The following PTBP2 variants were observed in gnomAD, a reference collection of about 807,000 sequenced individuals.
PTBP2 encodes the protein polypyrimidine tract binding protein 2, also known as polypyrimidine tract-binding protein 2.
PTBP2 carries 13 observed loss-of-function variants against 61.4 expected under a neutral mutation model. The ratio of observed to expected loss-of-function variants is 0.21; its 90% CI spans 0.14 to 0.34. The LOEUF is 0.34. PTBP2 is among the 10% of genes least tolerant of loss of function. The pLI, the probability that PTBP2 is intolerant of heterozygous loss-of-function variation, is 1.00. For missense variants in PTBP2, 405 were observed against 642.6 expected, an observed-to-expected ratio of 0.63 and a Z score of 4.00; for synonymous variants, 215 against 218.5, an observed-to-expected ratio of 0.98 and a Z score of 0.14.
At chr1:96,759,409 CA>C (rs1456883513) in intron 3 of PTBP2, among the ~76,000 whole-genome samples, 4 of 152,186 alleles carry the variant, frequency 2.6e-5, no homozygotes, top group Non-Finnish European at 5.9e-5. Flanking sequence ...GAATAGCGTT[CA>C]GGGAATAACT....
intron 11 of PTBP2, among the ~76,000 whole-genome samples, chr1:96,808,689 A>C (rs369991550): frequency 2.6e-5 from 4 of 152,154 alleles, no homozygotes; most frequent in African/African-American, 7.2e-5. Context: ...TTTTTGGACT[A>C]TCTGTAGTGG....
chr1:96,819,975 A>G (rs1662625292), downstream of PTBP2: 2 of 151,972 alleles, frequency 1.3e-5, no homozygotes, highest in East Asian at 1.9e-4. Flanking sequence ...AAACATTGCT[A>G]TAGTTGTCTT....
intron 2 of PTBP2, among the ~76,000 whole-genome samples, chr1:96,729,310 C>T (rs1268135468): frequency 6.6e-6 from 1 of 152,182 alleles, no homozygotes; most frequent in African/African-American, 2.4e-5. Flanking sequence ...GCGTGAGCCA[C>T]CACCCCCAGC....
intron 3 of PTBP2, among the ~76,000 whole-genome samples, chr1:96,767,471 A>G (rs1279730167): frequency 1.3e-5 from 2 of 152,106 alleles, no homozygotes; most frequent in East Asian, 1.9e-4. Context: ...TACCATAACT[A>G]TAACACATGG....
At chr1:96,755,068 A>T (rs1373913030) in intron 3 of PTBP2, among the ~76,000 whole-genome samples, 1 of 152,230 alleles carries the variant, frequency 6.6e-6, no homozygotes, top group Non-Finnish European at 1.5e-5. Context: ...CATAAACTGG[A>T]AGAACATCAT....
At chr1:96,816,734 G>A (rs1052944796), downstream of PTBP2, 3 of 152,038 alleles carry the variant, frequency 2.0e-5, no homozygotes, top group African/African-American at 7.2e-5. Context: ...TAATTACTAG[G>A]GAAAGGACAA....
At chr1:96,801,583 A>T (rs1033605083) in intron 8 of PTBP2, among the ~76,000 whole-genome samples, 3 of 152,076 alleles carry the variant, frequency 2.0e-5, no homozygotes, top group African/African-American at 7.2e-5. Context: ...GGCCAGGCGC[A>T]GTGGCTCAGA....
downstream of PTBP2, chr1:96,816,453 T>C (rs943978774): frequency 3.9e-5 from 6 of 152,152 alleles, no homozygotes; most frequent in African/African-American, 1.2e-4. Context: ...TTAGAAATAA[T>C]CAGAAAAATT....
rs776156545 is a variant in PTBP2, at chr1:96,721,818, G to A, written c.-47G>A. On this transcript the variant is annotated 5_prime_UTR_variant, in exon 1 of 14. Transcript: ENST00000674951. ...TTTCTCGCCGCTTGTGTGGCTCGCTGGCTGCGTGGCTCGGTTCTTGTGAGC... is the reference window on the plus strand; with the variant it reads ...TTTCTCGCCGCTTGTGTGGCTCGCTAGCTGCGTGGCTCGGTTCTTGTGAGC... 1.3e-6 allele frequency: 2 copies of A among 1,554,182 alleles called. No homozygotes were observed. The highest frequency in any genetic ancestry group is 1.4e-5 in the African/African-American group (1 of 73,388).
chr1:96,767,946 C>G (rs1397321303), intron 3 of PTBP2, among the ~76,000 whole-genome samples: 1 of 152,062 alleles, frequency 6.6e-6, no homozygotes, highest in African/African-American at 2.4e-5. Flanking sequence ...TGTACAAAGA[C>G]AACCTAAGGG....
At chr1:96,757,286 A>G (rs1655265874) in intron 3 of PTBP2, among the ~76,000 whole-genome samples, 1 of 152,206 alleles carries the variant, frequency 6.6e-6, no homozygotes, top group African/African-American at 2.4e-5. Context: ...CCGTGCAAAC[A>G]GTAAGCACAA....
At chr1:96,766,663 TA>T (rs1656755274) in intron 3 of PTBP2, among the ~76,000 whole-genome samples, 1 of 152,196 alleles carries the variant, frequency 6.6e-6, no homozygotes, top group South Asian at 2.1e-4. Context: ...ATCATTTATT[TA>T]AAATGAAGAC....
At chr1:96,785,386 G>GT (rs1285233154) in intron 8 of PTBP2, 132 bp downstream of exon 8, 6 of 632,218 alleles carry the variant, frequency 9.5e-6, no homozygotes, top group Non-Finnish European at 1.5e-5. Context: ...TTTTTCTCAA[G>GT]TGAGAAGGCA....
In PTBP2 at chr1:96,728,632, ACT is replaced by A. The variant is rs1301457621; in HGVS notation, c.39+5041_39+5042del. Among the ~76,000 whole-genome samples the A allele has an allele frequency of 9.3e-5, 14 of 151,250 alleles. No homozygotes were observed. The East Asian group carries it at 2.5e-3, about 27-fold the overall frequency. On this transcript the variant is annotated intron_variant, in intron 2 of 13. Coordinates refer to ENST00000674951, the MANE Select transcript of PTBP2 (RefSeq NM_021190.4). ...CCACTTACTTAGTCTTGGCCCTCCA[ACT>A]CTGTTCTTTTTCAAAGTTGTTTTTA...
At chr1:96,758,928 T>C (rs1388967772) in intron 3 of PTBP2, among the ~76,000 whole-genome samples, 3 of 152,182 alleles carry the variant, frequency 2.0e-5, no homozygotes, top group African/African-American at 7.2e-5. Flanking sequence ...ACAGATTTGG[T>C]AGAACTAATA....
chr1:96,751,212 T>G (rs1570785271), intron 2 of PTBP2: 1 of 627,424 alleles, frequency 1.6e-6, no homozygotes, highest in East Asian at 3.0e-5. Context: ...CTTTTGGGCT[T>G]AGAGTAAAGA....
chr1:96,800,746 TG>T (rs1397485801), intron 8 of PTBP2, among the ~76,000 whole-genome samples: 3 of 151,810 alleles, frequency 2.0e-5, no homozygotes, highest in Admixed American at 6.6e-5. Context: ...AAATAAAGGG[TG>T]GGGAAGCTTT....
intron 2 of PTBP2, among the ~76,000 whole-genome samples, chr1:96,738,577 A>G (rs1187749576): frequency 6.6e-6 from 1 of 152,190 alleles, no homozygotes; most frequent in Non-Finnish European, 1.5e-5. Context: ...GTTGTACTTA[A>G]GTGATTATGA....
chr1:96,792,699 G>T (rs1659978674), intron 8 of PTBP2, among the ~76,000 whole-genome samples: 1 of 133,760 alleles, frequency 7.5e-6, no homozygotes, highest in Admixed American at 7.6e-5. Context: ...TTCATGCATT[G>T]ATTCAAAATT....
Sources: gnomAD v4.1 joint callset for allele counts (sites outside exome capture counted in the v4.1 genomes callset) on GRCh38, gnomAD v4.1.1 for gene constraint, MANE v1.5 for transcripts, NCBI Gene and HGNC (gene_info 2026-07-23, HGNC 2026-07-21) for gene names.